MYH7: variants seen among roughly 807,000 people sequenced by gnomAD.
MYH7 encodes the protein myosin-7.
MYH7 carries 129 observed loss-of-function variants against 225.4 expected under a neutral mutation model. That is an observed-to-expected ratio of 0.57 (90% confidence interval 0.50 to 0.66). MYH7 has a LOEUF of 0.66. Ranked by LOEUF, MYH7 falls within the 30% of genes least tolerant of loss-of-function variation. The pLI is 0.00. For synonymous variants in MYH7, 971 were observed against 1,007.6 expected (o/e 0.96, Z 0.69); for missense variants, 1,649 against 2,517.0 (o/e 0.66, Z 7.38).
Position 23,425,993 on chromosome 14 carries a change from G to A in MYH7, c.2133C>T (p.Asn711=). The change falls in exon 19 of 40, where the codon AAC becomes AAT. Residue 711 remains asparagine, a synonymous_variant. Transcript: ENST00000355349. The surrounding 1 kb of genome is among the most constrained non-coding windows in gnomAD (Gnocchi z 4.6). ...GCCGGAAGTCCCCGTAGAGGATGCG[G>A]TTGGGGAAGCCTTTCCTGCAGATGC... ...GIRICRKGFP[N]RILYGDFRQR... is the part of the protein sequence containing the mutation. 1.2e-6 allele frequency: 2 copies of A among 1,614,180 alleles called. No homozygotes were observed. Among genetic ancestry groups the A allele is most frequent in the East Asian group, 2.2e-5 (1 of 44,890 alleles).
rs370800700 is a variant in MYH7, at chr14:23,423,970, G to A, written c.2859C>T (p.Asp953=). 42 of 1,614,086 alleles carry A rather than the reference G, an allele frequency of 2.6e-5. 2 individuals carry two copies. Among genetic ancestry groups the A allele is most frequent in the Non-Finnish European group, 3.3e-5 (39 of 1,180,048 alleles). Residue 953 remains aspartate (D), a synonymous_variant, in exon 23 of 40, where the codon GAC becomes GAT. Coordinates refer to ENST00000355349, the MANE Select transcript of MYH7 (RefSeq NM_000257.4). The part of the protein sequence containing the change: ...LEDECSELKR[D]IDDLELTLAK... ...CCAGTGTCAGCTCCAGATCATCGAT[G>A]TCCCTTTTGAGCTCTGAGCACTCAT...
In MYH7 at chr14:23,428,447, G is replaced by A. The variant is rs1054720694; in HGVS notation, c.1578+53C>T. On this transcript the variant is annotated intron_variant, in intron 15 of 39. Coordinates refer to ENST00000355349, the MANE Select transcript of MYH7 (RefSeq NM_000257.4). ...GAGAGGGGCTGCTATTTTGTCTATG[G>A]TGTTCTTGTTGGGTGTGCAGGGAGA... 3 of 1,611,872 alleles carry A rather than the reference G, an allele frequency of 1.9e-6. No individual in the cohort carries two copies. In the African/African-American group the frequency reaches 4.0e-5, roughly 22 times the overall value.
intron 26 of MYH7, among the ~76,000 whole-genome samples, chr14:23,420,493 G>A (rs1892432884): frequency 6.6e-6 from 1 of 152,174 alleles, no homozygotes. Flanking sequence ...TGTGTTCTGG[G>A]GATATTTTAA....
chr14:23,425,064 T>A lies in MYH7; in HGVS notation c.2424-40A>T. 1 of 1,613,930 alleles carries A rather than the reference T, an allele frequency of 6.2e-7. No individual in the cohort carries two copies. The highest frequency in any genetic ancestry group is 8.5e-7 in the Non-Finnish European group (1 of 1,179,982). On this transcript the variant is annotated intron_variant, in intron 21 of 39. Coordinates refer to ENST00000355349, the MANE Select transcript of MYH7 (RefSeq NM_000257.4). This position sits in a 1 kb window ranked among gnomAD's most constrained non-coding sequence, Gnocchi z 4.6. ...TGAAAGGAGTGCTGAGCCTCCTGCC[T>A]CCTTCCTACCTGAGGTCCTGAAACC...
chr14:23,425,818 C>T lies in MYH7; in HGVS notation c.2163G>A (p.Arg721=). Residue 721 remains arginine (R), a splice_region_variant and synonymous_variant, in exon 20 of 40, where the codon AGG becomes AGA. Coordinates refer to ENST00000355349, the MANE Select transcript of MYH7 (RefSeq NM_000257.4). The surrounding 1 kb of genome is among the most constrained non-coding windows in gnomAD (Gnocchi z 4.6). Reference sequence around the variant, plus strand: ...TGGCCGCTGGGTTCAGGATGCGATACCTGAGGAGGGAAGTGTCCAGAGTCA... The same window carrying T: ...TGGCCGCTGGGTTCAGGATGCGATATCTGAGGAGGGAAGTGTCCAGAGTCA... ...NRILYGDFRQ[R]YRILNPAAIP... The T allele has an allele frequency of 6.2e-7, 1 of 1,613,970 alleles. No homozygotes were observed. The highest frequency in any genetic ancestry group is 1.1e-5 in the South Asian group (1 of 91,076).
intron 25 of MYH7, among the ~76,000 whole-genome samples, 158 bp downstream of exon 25, chr14:23,422,022 G>A (rs1253114015): frequency 6.6e-6 from 1 of 152,182 alleles, no homozygotes; most frequent in African/African-American, 2.4e-5. Flanking sequence ...CTGGGACTAG[G>A]GGAGGAAAGC....
intron 37 of MYH7, 73 bp downstream of exon 37, chr14:23,414,922 C>G: frequency 3.5e-5 from 55 of 1,592,476 alleles, no homozygotes; most frequent in Non-Finnish European, 4.7e-5. Context: ...AGAGCAAACT[C>G]TTCATTCTCC....
At chr14:23,416,351 C>A in intron 33 of MYH7, 39 bp from the exon 34 acceptor site, 4 of 1,598,832 alleles carry the variant, frequency 2.5e-6, no homozygotes, top group Non-Finnish European at 3.4e-6. Flanking sequence ...GGCAGACAGT[C>A]AGGGCACAGG....
intron 25 of MYH7, 134 bp from the exon 26 acceptor site, chr14:23,421,182 G>C: frequency 1.4e-6 from 1 of 713,930 alleles, no homozygotes; most frequent in East Asian, 2.7e-5. Flanking sequence ...GGGTGATGTA[G>C]GATCCCTGGA....
chr14:23,417,992 C>T (rs1892297151), intron 30 of MYH7: 1 of 934,760 alleles, frequency 1.1e-6, no homozygotes, highest in East Asian at 2.4e-5. Flanking sequence ...GCACTCTGCC[C>T]TCAGACAAAC....
chr14:23,419,374 G>A (rs1892368796), intron 28 of MYH7, 79 bp from the exon 29 acceptor site: 4 of 1,612,616 alleles, frequency 2.5e-6, no homozygotes, highest in East Asian at 2.2e-5. Context: ...ATTTTCTGGA[G>A]AGACTCTGTG....
chr14:23,417,673 G>C lies in MYH7; in HGVS notation c.4183C>G (p.Gln1395Glu). The C allele has an allele frequency of 6.2e-7, 1 of 1,612,912 alleles. No individual in the cohort carries two copies. The highest frequency in any genetic ancestry group is 8.5e-7 in the Non-Finnish European group (1 of 1,180,028). Reference sequence around the variant, plus strand: ...GCCTCCTCAGCTTCCTGCAGCCGCTGGGCCAGCTTCTTCCTGCCCAGGGGA... The same window carrying C: ...GCCTCCTCAGCTTCCTGCAGCCGCTCGGCCAGCTTCTTCCTGCCCAGGGGA... ...ELEEAKKKLAQRLQEAEEAVE... is the reference protein window; with the variant it reads ...ELEEAKKKLAERLQEAEEAVE... Residue 1395 changes from glutamine (Q) to glutamate (E), a missense_variant, in exon 31 of 40, where the codon CAG becomes GAG. Gln to Glu is a conservative substitution (Grantham distance 29). Around this residue, in one of 12 missense-constraint regions of MYH7, gnomAD observed 687 missense variants for 913.8 expected, o/e 0.75. Transcript: ENST00000355349.
chr14:23,415,862 G>A lies in MYH7; in HGVS notation c.4954-30C>T, dbSNP rs1397399403. The A allele has an allele frequency of 5.6e-6, 9 of 1,613,984 alleles. No homozygotes were observed. The African/African-American group carries it at 1.2e-4, about 22-fold the overall frequency. On this transcript the variant is annotated intron_variant, in intron 34 of 39. Transcript: ENST00000355349. This position sits in a 1 kb window ranked among gnomAD's most constrained non-coding sequence, Gnocchi z 6.3. ...GGATCAGGAGAGTGGGCATGAGCAG[G>A]GAGCCAGCCTCGGTTCCCTTCACTA... is the stretch of plus-strand genomic sequence containing the variant.
rs979576463 is a variant in MYH7, at chr14:23,428,775, C to G, written c.1408-105G>C. On this transcript the variant is annotated intron_variant, in intron 14 of 39. Coordinates refer to ENST00000355349, the MANE Select transcript of MYH7 (RefSeq NM_000257.4). Reference sequence around the variant, plus strand: ...GAGCCCAGCAGGGCGTGGCTGGTCCCCTCCATGTCAAGGCAGTGAAGGAGG... The same window carrying G: ...GAGCCCAGCAGGGCGTGGCTGGTCCGCTCCATGTCAAGGCAGTGAAGGAGG... The G allele has an allele frequency of 4.4e-6, 7 of 1,591,938 alleles. No individual in the cohort carries two copies. The African/African-American group carries it at 9.4e-5, about 21-fold the overall frequency.
chr14:23,414,382 C>T (rs924734743), intron 37 of MYH7, among the ~76,000 whole-genome samples: 1 of 152,144 alleles, frequency 6.6e-6, no homozygotes, highest in Non-Finnish European at 1.5e-5. Flanking sequence ...GGTCCGGGGA[C>T]CCCATGCGGG....
intron 11 of MYH7, among the ~76,000 whole-genome samples, 181 bp from the exon 12 acceptor site, chr14:23,430,094 G>A (rs111278229): frequency 5.0e-4 from 76 of 152,324 alleles, no homozygotes; most frequent in African/African-American, 1.7e-3. Flanking sequence ...AACAAAGGAT[G>A]TAAGATGCAA....
chr14:23,421,430 C>T (rs1892470950), intron 25 of MYH7, among the ~76,000 whole-genome samples: 1 of 152,152 alleles, frequency 6.6e-6, no homozygotes, highest in South Asian at 2.1e-4. Context: ...AACTTATTTT[C>T]CTCTTTGGTA....
chr14:23,424,186 G>C (rs750070799), intron 22 of MYH7, 37 bp from the exon 23 acceptor site: 1 of 1,613,314 alleles, frequency 6.2e-7, no homozygotes, highest in East Asian at 2.2e-5. Context: ...TGTTCAGGGG[G>C]TAAGGTCCTC....
chr14:23,416,881 A>C lies in MYH7; in HGVS notation c.4631T>G (p.Leu1544Arg). 1 of 1,614,200 alleles carries C rather than the reference A, an allele frequency of 6.2e-7. No individual in the cohort carries two copies. Among genetic ancestry groups the C allele is most frequent in the Non-Finnish European group, 8.5e-7 (1 of 1,180,010 alleles). ...EAEKMELQSA[L>R]EEAEASLEHE... ...ACACACACACACCTCGGCCTCCTCC[A>C]GGGCTGACTGCAGCTCCATCTTCTC... The change falls in exon 33 of 40, where the codon CTG (leucine) becomes CGG (arginine). Residue 1544 changes from leucine to arginine, a missense_variant. Leu to Arg is a moderately radical substitution (Grantham distance 102). This residue lies in a region of MYH7 where 687 missense variants were observed against 913.8 expected (regional missense o/e 0.75). Transcript: ENST00000355349.
Sources: gnomAD v4.1 joint callset for allele counts (sites outside exome capture counted in the v4.1 genomes callset) on GRCh38, gnomAD v4.1.1 for gene constraint, gnomAD v4.1.1 regional missense constraint, Gnocchi (gnomAD v3.1) non-coding constraint, MANE v1.5 for transcripts, NCBI Gene and HGNC (gene_info 2026-07-23, HGNC 2026-07-21) for gene names.